Variants in FLT4 observed in about 807,000 individuals in gnomAD.
FLT4 encodes vascular endothelial growth factor receptor 3.
FLT4 carries 30 observed loss-of-function variants against 163.2 expected under a neutral mutation model. The observed-to-expected ratio is 0.18, with a 90% CI of 0.14 to 0.25. The LOEUF (loss-of-function observed/expected upper bound fraction) is 0.25, where lower values mean the gene tolerates loss of function less well. Ranked by LOEUF, FLT4 falls within the 10% of genes least tolerant of loss-of-function variation. FLT4 has a pLI of 1.00. For synonymous variants in FLT4, 884 were observed against 789.5 expected (o/e 1.12, Z -2.01); for missense variants, 1,510 against 1,863.8 (o/e 0.81, Z 3.50).
chr5:180,618,712 C>G (rs979803836), intron 21 of FLT4, 58 bp downstream of exon 21: 1 of 1,204,110 alleles, frequency 8.3e-7, no homozygotes, highest in Non-Finnish European at 1.1e-6. Flanking sequence ...GGTGCCTGAT[C>G]ACGGGATATA....
intron 20 of FLT4, 36 bp downstream of exon 20, chr5:180,618,985 C>T (rs1180748698): frequency 6.5e-7 from 1 of 1,549,650 alleles, no homozygotes; most frequent in Non-Finnish European, 8.7e-7. Flanking sequence ...CTCCATTCCC[C>T]CGCCGCCCGC....
rs375461778 is a variant in FLT4 at position 180,608,092 on chromosome 5, C to G, written c.3893+876G>C. 47 of 700,446 alleles carry G rather than the reference C, an allele frequency of 6.7e-5. 1 individual carries two copies. In the East Asian group the frequency reaches 1.2e-3, roughly 18 times the overall value. The allele number at this position is 700,446 out of a possible 1,614,324, so 43.4% of individuals were successfully genotyped here. A position where few individuals can be genotyped will look rare whatever the true frequency, so the allele number is the denominator to read the frequency against. ...CCGCAGTCATCCGGAGGCCTAACCC[C>G]TCCCTGTGGTGCTTCAGTGGTCACA... On this transcript the variant is annotated intron_variant, in intron 29 of 29. Coordinates refer to ENST00000261937, the MANE Select transcript of FLT4 (RefSeq NM_182925.5).
At position 180,627,358 on chromosome 5, in the gene FLT4, G is replaced by A. The variant is rs574060818; in HGVS notation, c.1104-1093C>T. ...GAGTGAGGCAGGGCAGGGCAGGGGC[G>A]GAACTGAGGTGGTGCTGTCTGCATG... On this transcript the variant is annotated intron_variant, in intron 8 of 29. Coordinates refer to ENST00000261937, the MANE Select transcript of FLT4 (RefSeq NM_182925.5). Among the ~76,000 whole-genome samples the A allele has an allele frequency of 2.5e-4, 38 of 152,262 alleles. 1 individual carries two copies. The South Asian group carries it at 6.4e-3, about 26-fold the overall frequency.
At chr5:180,648,142 G>A (rs921080906) in intron 1 of FLT4, among the ~76,000 whole-genome samples, 1 of 152,186 alleles carries the variant, frequency 6.6e-6, no homozygotes, top group Admixed American at 6.5e-5. Flanking sequence ...CCAGCCACTC[G>A]ACAAATACAT....
chr5:180,617,046 T>C (rs1358177745), intron 21 of FLT4, 52 bp from the exon 22 acceptor site: 2 of 1,329,362 alleles, frequency 1.5e-6, no homozygotes, highest in Non-Finnish European at 2.2e-6. Flanking sequence ...GCGGCCTCCA[T>C]CTACCCAGCC....
rs1178534853 is a variant in FLT4, at chr5:180,608,225, T to C, written c.3893+743A>G. The C allele has an allele frequency of 4.3e-6, 3 of 700,782 alleles. No individual in the cohort carries two copies. The Admixed American group carries it at 6.0e-5, about 14-fold the overall frequency. 43.4% of individuals were successfully genotyped at this position (700,782 alleles called of 1,614,324 possible). ...AAGTCTTAAAGTCTTTGATCTTTCT[T>C]ATAAGTGCAGAGAAGAAAATGCTGA... On this transcript the variant is annotated intron_variant, in intron 29 of 29. Coordinates refer to ENST00000261937, the MANE Select transcript of FLT4 (RefSeq NM_182925.5).
Position 180,620,737 on chromosome 5 carries a change from G to A in FLT4, c.2300-22C>T, listed in dbSNP as rs762914896. On this transcript the variant is annotated intron_variant, in intron 15 of 29. Coordinates refer to ENST00000261937, the MANE Select transcript of FLT4 (RefSeq NM_182925.5). The surrounding 1 kb of genome is among the most constrained non-coding windows in gnomAD (Gnocchi z 4.4). ...GAGCCTGCGTGGGCAGAAAGGGGCC[G>A]GCGTGTGTGTGTGTGTGTGTAAGAG... 4 of 1,497,710 alleles carry A rather than the reference G, an allele frequency of 2.7e-6. No individual in the cohort carries two copies. Among genetic ancestry groups the A allele is most frequent in the East Asian group, 4.5e-5 (2 of 44,420 alleles). 92.8% of individuals were successfully genotyped at this position (1,497,710 alleles called of 1,614,324 possible).
intron 23 of FLT4, among the ~76,000 whole-genome samples, chr5:180,614,690 G>A (rs1035693983): frequency 6.9e-6 from 1 of 145,932 alleles, no homozygotes; most frequent in East Asian, 2.0e-4. Flanking sequence ...TGAGGGCCAG[G>A]GCCCTTCTGG....
chr5:180,632,215 C>G (rs568698942), intron 1 of FLT4, among the ~76,000 whole-genome samples: 77 of 152,314 alleles, frequency 5.1e-4, no homozygotes, highest in African/African-American at 1.3e-3. Context: ...GTCCGCACAT[C>G]CCAGGTCCTC....
At position 180,648,251 on chromosome 5, in the gene FLT4, TCTC is replaced by T. The variant is rs543119522; in HGVS notation, c.58+1234_58+1236del. On this transcript the variant is annotated intron_variant, in intron 1 of 29. Transcript: ENST00000261937. Reference sequence around the variant, plus strand: ...CCGACTCGGAGGCCCAGATAGATGTTCTCCTCCCTCCTCCCCTGGTTGAGCCAG... The same window carrying T: ...CCGACTCGGAGGCCCAGATAGATGTTCTCCCTCCTCCCCTGGTTGAGCCAG... 1.3e-3 allele frequency among the ~76,000 whole-genome samples: 195 copies of T among 152,204 alleles called. 2 individuals are homozygous for T. Among genetic ancestry groups the T allele is most frequent in the South Asian group, 1.9e-3 (9 of 4,812 alleles).
rs779317054 is a variant in FLT4 at position 180,620,759 on chromosome 5, A to C, written c.2300-44T>G. The C allele has an allele frequency of 1.9e-6, 3 of 1,574,710 alleles. No individual in the cohort carries two copies. In the African/African-American group the frequency reaches 4.1e-5, roughly 22 times the overall value. On this transcript the variant is annotated intron_variant, in intron 15 of 29. Transcript: ENST00000261937. This position sits in a 1 kb window ranked among gnomAD's most constrained non-coding sequence, Gnocchi z 4.4. ...GCCGGCGTGTGTGTGTGTGTGTGTA[A>C]GAGCGTGCACCTGCAGGCAGCACCC...
rs1391338478 is a variant in FLT4 at position 180,621,631 on chromosome 5, G to A, written c.1931C>T (p.Ala644Val). The A allele has an allele frequency of 3.7e-6, 6 of 1,605,678 alleles. No homozygotes were observed. The highest frequency in any genetic ancestry group is 3.3e-5 in the South Asian group (3 of 90,764). Residue 644 changes from alanine to valine, a missense_variant, in exon 13 of 30, where the codon GCG (alanine) becomes GTG (valine). Coordinates refer to ENST00000261937, the MANE Select transcript of FLT4 (RefSeq NM_182925.5). ...CACATAGTGGCCCTCGTGCTCGGGC[G>A]CGACGCGGGGGATACTCAGGCTGAG... ...ATLSLSIPRVAPEHEGHYVCE... is the reference protein window; with the variant it reads ...ATLSLSIPRVVPEHEGHYVCE...
chr5:180,611,217 C>T, intron 27 of FLT4, 114 bp downstream of exon 27: 1 of 1,289,458 alleles, frequency 7.8e-7, no homozygotes, highest in South Asian at 1.2e-5. Flanking sequence ...AGTTTGTGCA[C>T]ACTGGCCTCT....
In FLT4 at chr5:180,620,039, C is replaced by T. The variant is rs1763002799; in HGVS notation, c.2542+134G>A. ...CCCTGGCTGAGGTTCTAGGTACCCA[C>T]GCCCACAGGGACAGGTCAGGCCAGG... is the stretch of plus-strand genomic sequence containing the variant. On this transcript the variant is annotated intron_variant, in intron 17 of 29. Coordinates refer to ENST00000261937, the MANE Select transcript of FLT4 (RefSeq NM_182925.5). This position sits in a 1 kb window ranked among gnomAD's most constrained non-coding sequence, Gnocchi z 4.4. The T allele has an allele frequency of 6.9e-6, 8 of 1,155,238 alleles. No homozygotes were observed. In the Admixed American group the frequency reaches 1.5e-4, roughly 22 times the overall value. 71.6% of individuals were successfully genotyped at this position (1,155,238 alleles called of 1,614,324 possible). A position where few individuals can be genotyped will look rare whatever the true frequency, so the allele number is the denominator to read the frequency against.
rs1455309329 is a variant in FLT4 at position 180,602,434 on chromosome 5, C to T, written c.*758G>A. 5 of 389,364 alleles carry T rather than the reference C, an allele frequency of 1.3e-5. No individual in the cohort carries two copies. Among genetic ancestry groups the T allele is most frequent in the South Asian group, 1.4e-4 (1 of 6,954 alleles). 24.1% of individuals were successfully genotyped at this position (389,364 alleles called of 1,614,324 possible). On this transcript the variant is annotated 3_prime_UTR_variant, in exon 30 of 30. Coordinates refer to ENST00000261937, the MANE Select transcript of FLT4 (RefSeq NM_182925.5). ...GTCATCTAGACTCAGTACAGCTGTC[C>T]CTGGGCGCCTTCCAGGCTGAATTCG...
At chr5:180,631,277 T>C (rs1764114172) in intron 2 of FLT4, among the ~76,000 whole-genome samples, 2 of 151,796 alleles carry the variant, frequency 1.3e-5, no homozygotes, top group African/African-American at 4.8e-5. Context: ...ATCAAGACCA[T>C]CCTGCTTAAC....
chr5:180,650,169 CAAAAAA>C (rs397719371), upstream of FLT4, among the ~76,000 whole-genome samples: 9 of 82,284 alleles, frequency 1.1e-4, no homozygotes, highest in South Asian at 1.5e-3. Context: ...GTCTGGGAGC[CAAAAAA>C]AAAAAAAAAA....
intron 21 of FLT4, 43 bp downstream of exon 21, chr5:180,618,727 G>A (rs1203582784): frequency 1.3e-6 from 2 of 1,564,162 alleles, no homozygotes; most frequent in Admixed American, 3.7e-5. Flanking sequence ...GATATAACCG[G>A]GCCCGTCAGG....
intron 28 of FLT4, chr5:180,609,598 C>T (rs549594414): frequency 1.2e-4 from 51 of 416,994 alleles, no homozygotes; most frequent in Non-Finnish European, 1.9e-4. Flanking sequence ...CTCTGCCCAG[C>T]GCTCACTGAC....
Sources: gnomAD v4.1 joint callset for allele counts (sites outside exome capture counted in the v4.1 genomes callset) on GRCh38, gnomAD v4.1.1 for gene constraint, Gnocchi (gnomAD v3.1) non-coding constraint, MANE v1.5 for transcripts, NCBI Gene and HGNC (gene_info 2026-07-23, HGNC 2026-07-21) for gene names.